The following THRAP3 variants were observed in gnomAD, a reference collection of about 807,000 sequenced individuals.
THRAP3 encodes the protein thyroid hormone receptor-associated protein 3.
THRAP3 carries 16 observed loss-of-function variants against 101.0 expected under a neutral mutation model. The observed-to-expected ratio is 0.16, with a 90% CI of 0.11 to 0.24. The LOEUF (loss-of-function observed/expected upper bound fraction) is 0.24. Ranked by LOEUF, THRAP3 falls within the 10% of genes least tolerant of loss-of-function variation. The probability of loss-of-function intolerance (pLI) is 1.00; values close to 1 mark genes in which losing one functional copy is unlikely to be tolerated. For missense variants in THRAP3, 989 were observed against 1,202.7 expected, an observed-to-expected ratio of 0.82 and a Z score of 2.63; for synonymous variants, 407 against 422.6, an observed-to-expected ratio of 0.96 and a Z score of 0.45.
At chr1:36,252,450 A>G (rs997745190) in intron 1 of THRAP3, among the ~76,000 whole-genome samples, 2 of 152,184 alleles carry the variant, frequency 1.3e-5, no homozygotes, top group East Asian at 3.9e-4. Flanking sequence ...GGCCATCTGC[A>G]CTAAATGCAT....
intron 2 of THRAP3, among the ~76,000 whole-genome samples, chr1:36,279,178 T>G (rs1056772500): frequency 5.3e-5 from 8 of 152,174 alleles, no homozygotes; most frequent in Admixed American, 2.0e-4. Flanking sequence ...TTTCTGAGTG[T>G]TGAAATGAGT....
At chr1:36,280,020 C>T (rs1645711457) in intron 2 of THRAP3, among the ~76,000 whole-genome samples, 3 of 152,106 alleles carry the variant, frequency 2.0e-5, no homozygotes, top group African/African-American at 7.2e-5. Context: ...CGGGGTGGCT[C>T]ACGCATGTAA....
At chr1:36,229,882 C>T (rs889629754) in intron 1 of THRAP3, among the ~76,000 whole-genome samples, 1 of 150,886 alleles carries the variant, frequency 6.6e-6, no homozygotes, top group Non-Finnish European at 1.5e-5. Flanking sequence ...AAACTTCTGA[C>T]CTCAGGTCAT....
At chr1:36,208,994 T>TTTTTTTTTTTTTTTTTTTTTTTC in the THRAP3 span, among the ~76,000 whole-genome samples, 1 of 95,732 alleles carries the variant, frequency 1.0e-5, no homozygotes, top group African/African-American at 4.6e-5. Flanking sequence ...TTTTTTTTTT[T>TTTTTTTTTTTTTTTTTTTTTTTC]CAGAGACAGT....
chr1:36,265,576 A>G (rs1318468948), intron 2 of THRAP3, among the ~76,000 whole-genome samples: 3 of 151,490 alleles, frequency 2.0e-5, no homozygotes, highest in South Asian at 2.1e-4. Context: ...TTGTTGGGCC[A>G]TATTTTTGAA....
At chr1:36,230,408 G>A (rs528552653) in intron 1 of THRAP3, among the ~76,000 whole-genome samples, 37 of 152,124 alleles carry the variant, frequency 2.4e-4, no homozygotes, top group African/African-American at 8.9e-4. Flanking sequence ...ATGAGCCACC[G>A]CGCCCAGCCC....
Position 36,286,796 on chromosome 1 carries a change from C to A in THRAP3, c.566C>A (p.Pro189Gln). Reference sequence around the variant, plus strand: ...AAGTCCTCTTCTAAGGATAGCCGGCCATCTCAGGCTGCCGGGGATAACCAG... The same window carrying A: ...AAGTCCTCTTCTAAGGATAGCCGGCAATCTCAGGCTGCCGGGGATAACCAG... Reference protein sequence around the residue: ...EKKSSSKDSRPSQAAGDNQGD... With the variant: ...EKKSSSKDSRQSQAAGDNQGD... The change falls in exon 4 of 12, where the codon CCA becomes CAA. Residue 189 changes from proline to glutamine, a missense_variant. Transcript: ENST00000354618. This position sits in a 1 kb window ranked among gnomAD's most constrained non-coding sequence, Gnocchi z 5.5. 1 of 1,614,232 alleles carries A rather than the reference C, an allele frequency of 6.2e-7. No individual in the cohort carries two copies. The highest frequency in any genetic ancestry group is 8.5e-7 in the Non-Finnish European group (1 of 1,180,042).
intron 4 of THRAP3, chr1:36,288,400 A>G (rs1256246983): frequency 1.0e-6 from 1 of 985,270 alleles, no homozygotes; most frequent in African/African-American, 1.7e-5. Flanking sequence ...CTATTTTAAA[A>G]CATAAGTTTT....
chr1:36,260,697 C>T (rs1314732911), intron 2 of THRAP3, among the ~76,000 whole-genome samples: 14 of 151,988 alleles, frequency 9.2e-5, no homozygotes, highest in Non-Finnish European at 1.9e-4. Context: ...TGGTGGGCGC[C>T]TGTAGTCCCA....
chr1:36,235,920 A>G (rs934725351), intron 1 of THRAP3, among the ~76,000 whole-genome samples: 1 of 152,070 alleles, frequency 6.6e-6, no homozygotes, highest in Non-Finnish European at 1.5e-5. Flanking sequence ...GAGTTTCAAA[A>G]AAGTCCAGGA....
At position 36,296,695 on chromosome 1, in the gene THRAP3, C is replaced by A; in HGVS notation, c.2228C>A (p.Ser743Tyr). ...GGTAAATCGAGAGAATCAGTGGATT[C>A]CCGAGACTCCAGTCACTCAAGGGAA... is the stretch of plus-strand genomic sequence containing the variant. ...KRGKSRESVD[S>Y]RDSSHSRERS... Residue 743 changes from serine (S) to tyrosine (Y), a missense_variant, in exon 9 of 12, where the codon TCC becomes TAC. Coordinates refer to ENST00000354618, the MANE Select transcript of THRAP3 (RefSeq NM_005119.4). 6.2e-7 allele frequency: 1 copy of A among 1,610,464 alleles called. No homozygotes were observed. The highest frequency in any genetic ancestry group is 8.5e-7 in the Non-Finnish European group (1 of 1,179,148).
chr1:36,274,689 A>G (rs1467151391), intron 2 of THRAP3, among the ~76,000 whole-genome samples: 3 of 127,362 alleles, frequency 2.4e-5, no homozygotes, highest in Non-Finnish European at 3.1e-5. Context: ...CTGGAGTGCA[A>G]TGGTGCGATC....
rs115270576 is a variant in THRAP3 at position 36,249,615 on chromosome 1, G to A, written c.-134-9767G>A. Among the ~76,000 whole-genome samples, 849 of 151,974 alleles carry A rather than the reference G, an allele frequency of 5.6e-3. 6 individuals are homozygous for A. Among genetic ancestry groups the A allele is most frequent in the African/African-American group, 0.02 (822 of 41,448 alleles). The stretch of plus-strand genomic sequence containing the variant: ...CTCACTGACTCCTTCTGGAGAATTA[G>A]GGGAAGGTTTTACAAGAATTTACAT... On this transcript the variant is annotated intron_variant, in intron 1 of 11. Transcript: ENST00000354618.
At chr1:36,280,423 A>T (rs1215030038) in intron 2 of THRAP3, among the ~76,000 whole-genome samples, 2 of 152,250 alleles carry the variant, frequency 1.3e-5, no homozygotes, top group African/African-American at 4.8e-5. Context: ...CTGAAGAAAC[A>T]AATAAGATAC....
chr1:36,264,817 A>G (rs891753983), intron 2 of THRAP3, among the ~76,000 whole-genome samples: 1 of 152,142 alleles, frequency 6.6e-6, no homozygotes, highest in Non-Finnish European at 1.5e-5. Flanking sequence ...TATATTTGCT[A>G]GGGCTGCTAT....
chr1:36,227,366 C>T (rs1484752524), intron 1 of THRAP3, among the ~76,000 whole-genome samples: 2 of 151,956 alleles, frequency 1.3e-5, no homozygotes, highest in African/African-American at 4.8e-5. Flanking sequence ...TCACTGCAAC[C>T]TCCACCTCCC....
At chr1:36,282,752 G>A (rs529016789) in intron 3 of THRAP3, 52 bp downstream of exon 3, 2 of 1,603,002 alleles carry the variant, frequency 1.2e-6, no homozygotes, top group African/African-American at 2.7e-5. Flanking sequence ...CAGTCGATGT[G>A]GATGTTTGAA....
At chr1:36,249,392 C>T (rs1358131771) in intron 1 of THRAP3, among the ~76,000 whole-genome samples, 2 of 151,770 alleles carry the variant, frequency 1.3e-5, no homozygotes, top group African/African-American at 2.4e-5. Context: ...AGGGTTTCAC[C>T]GTGTTAGCCA....
chr1:36,212,581 C>T, the THRAP3 span, among the ~76,000 whole-genome samples: 9 of 152,008 alleles, frequency 5.9e-5, no homozygotes, highest in East Asian at 1.2e-3. Context: ...CCACCATGCT[C>T]GGCCAGTTTT....
Sources: gnomAD v4.1 joint callset for allele counts (sites outside exome capture counted in the v4.1 genomes callset) on GRCh38, gnomAD v4.1.1 for gene constraint, Gnocchi (gnomAD v3.1) non-coding constraint, MANE v1.5 for transcripts, NCBI Gene and HGNC (gene_info 2026-07-23, HGNC 2026-07-21) for gene names.